The following CACNG2 variants were observed in gnomAD, a reference collection of about 807,000 sequenced individuals.
CACNG2 encodes calcium voltage-gated channel auxiliary subunit gamma 2.
Under a neutral mutation model 25.9 loss-of-function variants are expected in CACNG2, and 3 were observed. The observed-to-expected ratio is 0.12, with a 90% CI of 0.05 to 0.30. CACNG2 has a LOEUF of 0.30. Among genes scored for constraint, CACNG2 ranks in the 10% least tolerant of loss-of-function variants. The pLI, the probability that CACNG2 is intolerant of heterozygous loss-of-function variation, is 1.00. For synonymous variants in CACNG2, 167 were observed against 173.3 expected (o/e 0.96, Z 0.29); for missense variants, 341 against 432.5 (o/e 0.79, Z 1.88).
chr22:36,618,085 C>T (rs1480438535), intron 1 of CACNG2, among the ~76,000 whole-genome samples: 1 of 152,192 alleles, frequency 6.6e-6, no homozygotes, highest in African/African-American at 2.4e-5. Flanking sequence ...GAGTTGTGTG[C>T]TGGTGACACC....
At chr22:36,638,416 C>T (rs912351512) in intron 1 of CACNG2, among the ~76,000 whole-genome samples, 1 of 152,186 alleles carries the variant, frequency 6.6e-6, no homozygotes, top group Admixed American at 6.5e-5. Flanking sequence ...TGTCTGCTTC[C>T]ATTGCCCCTG....
At chr22:36,584,089 C>G (rs1935462349) in intron 2 of CACNG2, among the ~76,000 whole-genome samples, 1 of 152,202 alleles carries the variant, frequency 6.6e-6, no homozygotes. Context: ...AAGTGACATG[C>G]CCTCAGGACC....
At chr22:36,591,642 C>T (rs1935594132) in intron 1 of CACNG2, among the ~76,000 whole-genome samples, 1 of 152,074 alleles carries the variant, frequency 6.6e-6, no homozygotes, top group Non-Finnish European at 1.5e-5. Context: ...CACTGCACTC[C>T]AGTCTGGTGA....
rs1175085566 is a variant in CACNG2, at chr22:36,606,384, A to G, written c.212-18836T>C. 6.6e-6 allele frequency among the ~76,000 whole-genome samples: 1 copy of G among 152,192 alleles called. No homozygotes were observed. Among genetic ancestry groups the G allele is most frequent in the Non-Finnish European group, 1.5e-5 (1 of 68,030 alleles). ...CTATTAGTCTCCGTACATTAGAGAT[A>G]TGGAAGTGGAGGGACAGAGGGGTGA... On this transcript the variant is annotated intron_variant, in intron 1 of 3. Coordinates refer to ENST00000300105, the MANE Select transcript of CACNG2 (RefSeq NM_006078.5). This position sits in a 1 kb window ranked among gnomAD's most constrained non-coding sequence, Gnocchi z 5.7.
intron 1 of CACNG2, among the ~76,000 whole-genome samples, chr22:36,589,001 T>TC: frequency 7.6e-6 from 1 of 131,190 alleles, no homozygotes; most frequent in South Asian, 2.5e-4. Flanking sequence ...TTTTTTTTTT[T>TC]TCCCCCTGAA....
In CACNG2 at chr22:36,702,847, A is replaced by T. The variant is rs73154810; in HGVS notation, c.-271T>A. The T allele has an allele frequency of 0.085, 22,360 of 264,186 alleles. 1,451 individuals are homozygous for T. The highest frequency in any genetic ancestry group is 0.19 in the African/African-American group (7,571 of 40,514). 16.4% of individuals were successfully genotyped at this position (264,186 alleles called of 1,614,324 possible). ...TTCCAGTTGCAGTGTTTTTTTTTTA[A>T]AAAGAAAAGGAAAAAAAAAATAAAA... On this transcript the variant is annotated 5_prime_UTR_variant, in exon 1 of 4. Coordinates refer to ENST00000300105, the MANE Select transcript of CACNG2 (RefSeq NM_006078.5).
intron 1 of CACNG2, among the ~76,000 whole-genome samples, chr22:36,685,364 AC>A (rs758889574): frequency 2.8e-4 from 42 of 151,364 alleles, no homozygotes; most frequent in Non-Finnish European, 5.3e-4. Context: ...CTCTTTCCCC[AC>A]CCTGTGCCAC....
chr22:36,574,857 G>A (rs556545835), intron 2 of CACNG2, among the ~76,000 whole-genome samples: 1 of 152,298 alleles, frequency 6.6e-6, no homozygotes, highest in Non-Finnish European at 1.5e-5. Flanking sequence ...CAAAGGTTTG[G>A]TTTTGGACAT....
rs184909174 is a variant in CACNG2, at chr22:36,655,876, C to G, written c.211+46490G>C. Among the ~76,000 whole-genome samples the G allele has an allele frequency of 2.0e-5, 3 of 147,822 alleles. No homozygotes were observed. In the South Asian group the frequency reaches 6.5e-4, roughly 32 times the overall value. On this transcript the variant is annotated intron_variant, in intron 1 of 3. Transcript: ENST00000300105. ...AGGCTGGAGTGCAGTGGTGTGATCT[C>G]GGCTCACCGCAATCTCCACCACCCG...
rs1320148059 is a variant in CACNG2 at position 36,599,511 on chromosome 22, G to T, written c.212-11963C>A. Among the ~76,000 whole-genome samples the T allele has an allele frequency of 3.4e-4, 52 of 152,082 alleles. 1 individual carries two copies. Among genetic ancestry groups the T allele is most frequent in the Admixed American group, 3.4e-3 (52 of 15,262 alleles). On this transcript the variant is annotated intron_variant, in intron 1 of 3. Coordinates refer to ENST00000300105, the MANE Select transcript of CACNG2 (RefSeq NM_006078.5). The stretch of plus-strand genomic sequence containing the variant: ...GCCCAGGAGTTCCAACCCAGCCTGG[G>T]CAACATGGCGAAATCCTGTCTCTAC...
chr22:36,655,121 G>A (rs1373322138), intron 1 of CACNG2, among the ~76,000 whole-genome samples: 1 of 152,124 alleles, frequency 6.6e-6, no homozygotes, highest in Non-Finnish European at 1.5e-5. Flanking sequence ...GCTAGAAATT[G>A]TGTCCTTTTC....
intron 1 of CACNG2, among the ~76,000 whole-genome samples, chr22:36,659,106 C>T (rs551469121): frequency 2.4e-4 from 36 of 152,270 alleles, no homozygotes; most frequent in African/African-American, 7.0e-4. Context: ...AAGTCTAAGA[C>T]GGTGTGGGCT....
At position 36,604,265 on chromosome 22, in the gene CACNG2, A is replaced by C. The variant is rs570559817; in HGVS notation, c.212-16717T>G. 2.0e-5 allele frequency among the ~76,000 whole-genome samples: 3 copies of C among 152,322 alleles called. No individual in the cohort carries two copies. The Middle Eastern group carries it at 0.01, about 518-fold the overall frequency. On this transcript the variant is annotated intron_variant, in intron 1 of 3. Transcript: ENST00000300105. ...TGCTGCAATCTCATGATAAAACTTG[A>C]GTGGATGAGAGGTGGCTTTTTATGG...
At chr22:36,643,310 TTCTCTCTCTCTTTCTCTGTC>T (rs1936470185) in intron 1 of CACNG2, among the ~76,000 whole-genome samples, 1 of 151,540 alleles carries the variant, frequency 6.6e-6, no homozygotes, top group African/African-American at 2.4e-5. Context: ...TCTTCCTTCC[TTCTCTCTCTCTTTCTCTGTC>T]TCTCTCTCTC....
chr22:36,594,326 A>G (rs1378545002), intron 1 of CACNG2, among the ~76,000 whole-genome samples: 1 of 152,198 alleles, frequency 6.6e-6, no homozygotes, highest in East Asian at 1.9e-4. Context: ...TTCACATACT[A>G]TATTAGAAGG....
Position 36,684,465 on chromosome 22 carries a change from A to G in CACNG2, c.211+17901T>C, listed in dbSNP as rs543220208. On this transcript the variant is annotated intron_variant, in intron 1 of 3. Coordinates refer to ENST00000300105, the MANE Select transcript of CACNG2 (RefSeq NM_006078.5). ...ACCCCATCTCTACAAAAATTCAAAA[A>G]AATGAGCCGGTGTGATGGTGCACCC... 1.9e-4 allele frequency among the ~76,000 whole-genome samples: 29 copies of G among 152,048 alleles called. No homozygotes were observed. In the South Asian group the frequency reaches 6.0e-3, roughly 32 times the overall value.
At chr22:36,690,157 G>T (rs925526075) in intron 1 of CACNG2, among the ~76,000 whole-genome samples, 5 of 152,216 alleles carry the variant, frequency 3.3e-5, no homozygotes, top group African/African-American at 9.7e-5. Context: ...AGGAGGATTT[G>T]CAAACTTCGA....
intron 1 of CACNG2, among the ~76,000 whole-genome samples, chr22:36,681,542 AT>A (rs368573722): frequency 1.5e-4 from 12 of 77,746 alleles, no homozygotes; most frequent in African/African-American, 3.8e-4. Flanking sequence ...AATTAAATCC[AT>A]TTTTTGGGGG....
intron 1 of CACNG2, among the ~76,000 whole-genome samples, chr22:36,666,458 T>A (rs1374126033): frequency 1.3e-5 from 2 of 151,842 alleles, no homozygotes; most frequent in African/African-American, 4.8e-5. Context: ...TTACATGAGG[T>A]CCCCAGAATA....
Sources: allele counts gnomAD v4.1 joint callset (sites outside exome capture counted in the v4.1 genomes callset), GRCh38; gene constraint gnomAD v4.1.1; non-coding constraint Gnocchi (gnomAD v3.1); transcripts MANE v1.5; gene names NCBI Gene and HGNC (gene_info 2026-07-23, HGNC 2026-07-21).